ASPH: variants seen among roughly 807,000 people sequenced by gnomAD.
ASPH encodes the protein aspartyl/asparaginyl beta-hydroxylase.
A neutral mutation model predicts 118.4 loss-of-function variants in ASPH; 100 were observed. The ratio of observed to expected loss-of-function variants is 0.84; its 90% CI spans 0.72 to 1.00. The LOEUF (loss-of-function observed/expected upper bound fraction) is 1.00, where lower values mean the gene tolerates loss of function less well. ASPH is among the 50% of genes least tolerant of loss of function. The pLI, the probability that ASPH is intolerant of heterozygous loss-of-function variation, is 0.00. For synonymous variants in ASPH, 315 were observed against 325.6 expected, an observed-to-expected ratio of 0.97 and a Z score of 0.35; for missense variants, 920 against 919.5, an observed-to-expected ratio of 1.00 and a Z score of -0.01.
intron 3 of ASPH, chr8:61,675,330 C>G: frequency 3.2e-6 from 3 of 936,944 alleles, no homozygotes; most frequent in Non-Finnish European, 3.8e-6. Flanking sequence ...TGTAATATGC[C>G]TACTTTAAAA....
Position 61,680,992 on chromosome 8 carries a change from C to G in ASPH, c.298G>C (p.Val100Leu). The stretch of plus-strand genomic sequence containing the variant: ...CCTAATAAAACTTTGGCATCATCCA[C>G]ATCAAAATCTCCATCACCATCAGCA... ...YDADGDGDFD[V>L]DDAKVLLGLK... Residue 100 changes from valine (V) to leucine (L), a missense_variant, in exon 3 of 25, where the codon GTG becomes CTG. Coordinates refer to ENST00000379454, the MANE Select transcript of ASPH (RefSeq NM_004318.4). The G allele has an allele frequency of 6.2e-7, 1 of 1,605,370 alleles. No homozygotes were observed. Among genetic ancestry groups the G allele is most frequent in the Non-Finnish European group, 8.5e-7 (1 of 1,175,362 alleles).
chr8:61,620,457 C>A (rs981163329), intron 13 of ASPH, among the ~76,000 whole-genome samples: 2 of 151,584 alleles, frequency 1.3e-5, no homozygotes, highest in African/African-American at 2.4e-5. Flanking sequence ...ATACCTCCTG[C>A]GCAGTGCTGC....
chr8:61,537,394 G>T (rs1399625208), intron 21 of ASPH, among the ~76,000 whole-genome samples: 1 of 152,210 alleles, frequency 6.6e-6, no homozygotes, highest in Non-Finnish European at 1.5e-5. Context: ...CTAAGAGACA[G>T]GGTCTTGATC....
intron 22 of ASPH, among the ~76,000 whole-genome samples, chr8:61,521,263 T>A (rs1241130076): frequency 6.6e-6 from 1 of 152,224 alleles, no homozygotes; most frequent in African/African-American, 2.4e-5. Context: ...TTCATGCTCT[T>A]AACCAGACCA....
At chr8:61,513,128 G>T (rs1223526495) in intron 24 of ASPH, among the ~76,000 whole-genome samples, 1 of 152,180 alleles carries the variant, frequency 6.6e-6, no homozygotes, top group African/African-American at 2.4e-5. Context: ...AAAGAACAAT[G>T]TACAAATTGC....
intron 2 of ASPH, among the ~76,000 whole-genome samples, chr8:61,681,783 A>C (rs1156239774): frequency 6.6e-6 from 1 of 151,878 alleles, no homozygotes; most frequent in Non-Finnish European, 1.5e-5. Context: ...GATGAACAGA[A>C]AACGTTTTTA....
At chr8:61,640,230 G>A (rs1415787183) in intron 10 of ASPH, among the ~76,000 whole-genome samples, 3 of 152,180 alleles carry the variant, frequency 2.0e-5, no homozygotes, top group Non-Finnish European at 4.4e-5. Context: ...TGCACGGAAA[G>A]ACCCAATTTG....
At chr8:61,529,652 T>C (rs1240923451) in intron 21 of ASPH, among the ~76,000 whole-genome samples, 1 of 152,244 alleles carries the variant, frequency 6.6e-6, no homozygotes, top group Non-Finnish European at 1.5e-5. Context: ...ACACTCGGCA[T>C]GTGTATGTCT....
Position 61,638,302 on chromosome 8 carries a change from T to C in ASPH, c.832+20A>G, listed in dbSNP as rs1350012571. The C allele has an allele frequency of 2.5e-6, 4 of 1,598,116 alleles. No homozygotes were observed. In the Admixed American group the frequency reaches 5.4e-5, roughly 21 times the overall value. Reference sequence around the variant, plus strand: ...GGAAAGCTGACTTGCAGAAAATATGTGCTTACAGAAAAAACTTACCTGTGA... The same window carrying C: ...GGAAAGCTGACTTGCAGAAAATATGCGCTTACAGAAAAAACTTACCTGTGA... On this transcript the variant is annotated intron_variant, in intron 11 of 24. Transcript: ENST00000379454.
chr8:61,652,528 TA>T (rs34800191), intron 4 of ASPH, among the ~76,000 whole-genome samples: 13,044 of 151,988 alleles, frequency 0.086, 705 homozygotes, highest in East Asian at 0.12. Context: ...TGTAATGGGT[TA>T]AAAAAAATGA....
chr8:61,609,620 T>C (rs1157512621), intron 14 of ASPH, among the ~76,000 whole-genome samples: 1 of 152,108 alleles, frequency 6.6e-6, no homozygotes, highest in African/African-American at 2.4e-5. Context: ...CAGAATTTGA[T>C]TTATTTTCAC....
chr8:61,666,784 T>A (rs1819834983), intron 3 of ASPH, among the ~76,000 whole-genome samples: 1 of 152,214 alleles, frequency 6.6e-6, no homozygotes, highest in Non-Finnish European at 1.5e-5. Flanking sequence ...ATAGTATTCA[T>A]TCAGGATCAT....
At chr8:61,536,864 A>G (rs1190869498) in intron 21 of ASPH, among the ~76,000 whole-genome samples, 2 of 152,038 alleles carry the variant, frequency 1.3e-5, no homozygotes, top group Admixed American at 1.3e-4. Context: ...TCAAAATTCT[A>G]TTTTTACATA....
intron 21 of ASPH, among the ~76,000 whole-genome samples, chr8:61,532,013 C>T (rs1817762607): frequency 6.6e-6 from 1 of 152,104 alleles, no homozygotes; most frequent in South Asian, 2.1e-4. Context: ...GGTGCAGATA[C>T]CTCTTTGAGT....
At chr8:61,626,034 C>G (rs1852644374) in intron 13 of ASPH, 1 of 1,225,386 alleles carries the variant, frequency 8.2e-7, no homozygotes, top group African/African-American at 1.6e-5. Context: ...TCCACTAATG[C>G]TATCAAAAGG....
intron 1 of ASPH, among the ~76,000 whole-genome samples, chr8:61,707,087 T>G (rs1015543772): frequency 7.2e-5 from 11 of 152,140 alleles, no homozygotes; most frequent in Admixed American, 3.3e-4. Flanking sequence ...AGTATAAAGG[T>G]GTGAACCACA....
chr8:61,672,890 T>C (rs1424272365), intron 3 of ASPH, among the ~76,000 whole-genome samples: 3 of 152,176 alleles, frequency 2.0e-5, no homozygotes, highest in African/African-American at 7.2e-5. Flanking sequence ...TTCTTGTATG[T>C]TTTATAGACT....
chr8:61,530,966 A>C (rs1386970661), intron 21 of ASPH, among the ~76,000 whole-genome samples: 1 of 152,216 alleles, frequency 6.6e-6, no homozygotes, highest in Non-Finnish European at 1.5e-5. Context: ...CCATCCTTGT[A>C]ATACAGTTAA....
rs143905471 is a variant in ASPH, at chr8:61,554,996, G to T, written c.1536+928C>A. Among the ~76,000 whole-genome samples, 318 of 152,266 alleles carry T rather than the reference G, an allele frequency of 2.1e-3. 1 individual carries two copies. The highest frequency in any genetic ancestry group is 7.4e-3 in the African/African-American group (306 of 41,542). On this transcript the variant is annotated intron_variant, in intron 19 of 24. Coordinates refer to ENST00000379454, the MANE Select transcript of ASPH (RefSeq NM_004318.4). ...CCAAAAGTGTTGGGCTTACAGGTGG[G>T]AGCCACTGCACCTGGCCCACAGCAG...
Sources: gnomAD v4.1 joint callset for allele counts (sites outside exome capture counted in the v4.1 genomes callset) on GRCh38, gnomAD v4.1.1 for gene constraint, MANE v1.5 for transcripts, NCBI Gene and HGNC (gene_info 2026-07-23, HGNC 2026-07-21) for gene names.